The following SSBP2 variants were observed in gnomAD, a reference collection of about 807,000 sequenced individuals.
The protein encoded by SSBP2 is single-stranded DNA-binding protein 2.
In SSBP2, 17 loss-of-function variants were observed where a neutral mutation model predicts 61.8. The observed-to-expected ratio is 0.28, with a 90% CI of 0.19 to 0.41. The LOEUF is 0.41. SSBP2 is among the 10% of genes least tolerant of loss of function. The pLI, the probability that SSBP2 is intolerant of heterozygous loss-of-function variation, is 1.00. For missense variants in SSBP2, 310 were observed against 458.7 expected, an observed-to-expected ratio of 0.68 and a Z score of 2.96; for synonymous variants, 139 against 141.3, an observed-to-expected ratio of 0.98 and a Z score of 0.12.
intron 1 of SSBP2, among the ~76,000 whole-genome samples, chr5:81,695,721 T>A (rs983557085): frequency 8.5e-5 from 13 of 152,146 alleles, no homozygotes; most frequent in Non-Finnish European, 1.5e-4. Flanking sequence ...CGTAAGTAAA[T>A]CTTGTTTCCT....
intron 1 of SSBP2, among the ~76,000 whole-genome samples, chr5:81,745,770 T>G (rs1025245464): frequency 3.9e-5 from 6 of 152,132 alleles, no homozygotes; most frequent in African/African-American, 1.4e-4. Flanking sequence ...TGGTTGTGAT[T>G]TCTATGGAAG....
intron 4 of SSBP2, among the ~76,000 whole-genome samples, chr5:81,598,962 C>CA (rs1328760789): frequency 6.6e-6 from 1 of 152,090 alleles, no homozygotes; most frequent in Non-Finnish European, 1.5e-5. Context: ...GTGAAAAATG[C>CA]AAAAAATCTG....
chr5:81,436,620 A>C (rs1360740820), intron 15 of SSBP2, among the ~76,000 whole-genome samples: 1 of 152,174 alleles, frequency 6.6e-6, no homozygotes, highest in East Asian at 1.9e-4. Flanking sequence ...AATTAGAAAT[A>C]GAATTTCAAA....
intron 1 of SSBP2, among the ~76,000 whole-genome samples, chr5:81,722,557 A>G (rs574041170): frequency 6.6e-6 from 1 of 152,096 alleles, no homozygotes; most frequent in Admixed American, 6.5e-5. Flanking sequence ...AAACATTCAG[A>G]TAATACCTAG....
chr5:81,552,808 T>A (rs6867426), intron 4 of SSBP2, among the ~76,000 whole-genome samples: 8 of 151,882 alleles, frequency 5.3e-5, no homozygotes, highest in African/African-American at 1.9e-4. Context: ...AGTGATAGAC[T>A]TTTAGTAATT....
At chr5:81,556,670 C>T (rs943033182) in intron 4 of SSBP2, among the ~76,000 whole-genome samples, 1 of 152,028 alleles carries the variant, frequency 6.6e-6, no homozygotes, top group African/African-American at 2.4e-5. Flanking sequence ...TCGTTAAATC[C>T]AAACATCATT....
intron 1 of SSBP2, among the ~76,000 whole-genome samples, chr5:81,659,934 A>C (rs1750544171): frequency 6.6e-6 from 1 of 151,434 alleles, no homozygotes; most frequent in African/African-American, 2.4e-5. Flanking sequence ...ATCAATGGGG[A>C]TAAAAATGGT....
chr5:81,630,875 G>C (rs1237563062), intron 3 of SSBP2, among the ~76,000 whole-genome samples: 3 of 151,706 alleles, frequency 2.0e-5, no homozygotes, highest in African/African-American at 7.3e-5. Flanking sequence ...AAGAGAAAGA[G>C]GTGTAAGAAA....
intron 5 of SSBP2, among the ~76,000 whole-genome samples, chr5:81,503,322 T>C (rs940375157): frequency 2.6e-5 from 4 of 151,912 alleles, no homozygotes; most frequent in Admixed American, 6.6e-5. Flanking sequence ...GGTGTGGTGG[T>C]GCATGCCTGT....
chr5:81,612,492 C>T (rs960675703), intron 4 of SSBP2, among the ~76,000 whole-genome samples: 1 of 151,912 alleles, frequency 6.6e-6, no homozygotes, highest in African/African-American at 2.4e-5. Context: ...CATGCATTAT[C>T]CCAATATCAA....
chr5:81,678,061 A>C (rs563928140), intron 1 of SSBP2, among the ~76,000 whole-genome samples: 4 of 152,352 alleles, frequency 2.6e-5, no homozygotes, highest in African/African-American at 9.6e-5. Flanking sequence ...GAGACTGAAC[A>C]AGAACCAGAA....
intron 6 of SSBP2, among the ~76,000 whole-genome samples, chr5:81,475,487 G>A (rs1561444750): frequency 6.6e-6 from 1 of 151,874 alleles, no homozygotes; most frequent in Non-Finnish European, 1.5e-5. Flanking sequence ...TTGCTTATAA[G>A]CACACCAAAT....
At chr5:81,712,193 T>C (rs1754840292) in intron 1 of SSBP2, among the ~76,000 whole-genome samples, 2 of 150,940 alleles carry the variant, frequency 1.3e-5, no homozygotes, top group Admixed American at 6.6e-5. Flanking sequence ...TAAGACCTTC[T>C]AATAAATGGG....
chr5:81,661,943 T>G (rs1476960910), intron 1 of SSBP2, among the ~76,000 whole-genome samples: 1 of 152,220 alleles, frequency 6.6e-6, no homozygotes, highest in African/African-American at 2.4e-5. Context: ...TTTTCACCTA[T>G]GTTTTCTTCT....
chr5:81,555,443 A>C (rs961605378), intron 4 of SSBP2, among the ~76,000 whole-genome samples: 1 of 152,086 alleles, frequency 6.6e-6, no homozygotes, highest in South Asian at 2.1e-4. Flanking sequence ...AATTAAAGAC[A>C]CCAAATGTGT....
At chr5:81,465,709 C>T (rs779231405) in intron 9 of SSBP2, among the ~76,000 whole-genome samples, 9 of 151,934 alleles carry the variant, frequency 5.9e-5, no homozygotes, top group Non-Finnish European at 1.3e-4. Flanking sequence ...ATATACATCT[C>T]CATCCTATTG....
chr5:81,461,170 A>T, intron 9 of SSBP2, 67 bp from the exon 10 acceptor site: 1 of 1,235,402 alleles, frequency 8.1e-7, no homozygotes, highest in Non-Finnish European at 1.1e-6. Flanking sequence ...ATCAATGACA[A>T]ATCATAAAAT....
chr5:81,567,456 T>A (rs1273480838), intron 4 of SSBP2, among the ~76,000 whole-genome samples: 1 of 152,182 alleles, frequency 6.6e-6, no homozygotes, highest in Non-Finnish European at 1.5e-5. Flanking sequence ...TTTCAGAAGA[T>A]GTATAGAAAC....
At chr5:81,686,527 T>C (rs935395528) in intron 1 of SSBP2, among the ~76,000 whole-genome samples, 1 of 152,172 alleles carries the variant, frequency 6.6e-6, no homozygotes, top group African/African-American at 2.4e-5. Flanking sequence ...CCAGTAATTA[T>C]TGTATTTAGT....
Sources: gnomAD v4.1 joint callset for allele counts (sites outside exome capture counted in the v4.1 genomes callset) on GRCh38, gnomAD v4.1.1 for gene constraint, MANE v1.5 for transcripts, NCBI Gene and HGNC (gene_info 2026-07-23, HGNC 2026-07-21) for gene names.